The following OVCH1 variants were observed in gnomAD, a reference collection of about 807,000 sequenced individuals.
OVCH1 encodes the protein ovochymase 1.
OVCH1 carries 139 observed loss-of-function variants against 138.4 expected under a neutral mutation model. The observed-to-expected ratio is 1.00, with a 90% CI of 0.87 to 1.16. The LOEUF (loss-of-function observed/expected upper bound fraction) is 1.16. Among genes scored for constraint, OVCH1 ranks in the 50% most tolerant of loss-of-function variants. The pLI is 0.00. For missense variants in OVCH1, 1,367 were observed against 1,357.9 expected (o/e 1.01, Z -0.11); for synonymous variants, 453 against 467.8 (o/e 0.97, Z 0.41).
At chr12:29,468,536 CA>C (rs1479380300) in intron 16 of OVCH1, among the ~76,000 whole-genome samples, 1 of 152,062 alleles carries the variant, frequency 6.6e-6, no homozygotes, top group Admixed American at 6.6e-5. Context: ...GGGAATCTAC[CA>C]AAGCTTTTTC....
At chr12:29,447,894 G>GT (rs1941663954) in intron 22 of OVCH1, among the ~76,000 whole-genome samples, 1 of 151,958 alleles carries the variant, frequency 6.6e-6, no homozygotes, top group East Asian at 1.9e-4. Flanking sequence ...GTTGGGCACT[G>GT]TTCTAGGCAC....
intron 25 of OVCH1, chr12:29,440,455 T>G (rs1950058358): frequency 1.6e-5 from 4 of 251,824 alleles, no homozygotes; most frequent in African/African-American, 6.9e-5. Flanking sequence ...AGGGTGACAG[T>G]CTAAACTCCT....
At chr12:29,444,180 C>T in exon 24 of OVCH1, 1 of 1,611,336 alleles carries the variant, frequency 6.2e-7, no homozygotes, top group Non-Finnish European at 8.5e-7. Flanking sequence ...TTGGGATCTG[C>T]ATGATCCCTT....
intron 23 of OVCH1, among the ~76,000 whole-genome samples, chr12:29,444,750 A>G (rs916852899): frequency 2.6e-5 from 4 of 152,070 alleles, no homozygotes; most frequent in Admixed American, 2.6e-4. Context: ...AATAAAAAAA[A>G]ATCTCACTAA....
chr12:29,471,639 G>A (rs1285158229), intron 16 of OVCH1, among the ~76,000 whole-genome samples, 163 bp downstream of exon 16: 1 of 152,176 alleles, frequency 6.6e-6, no homozygotes, highest in Non-Finnish European at 1.5e-5. Context: ...TTCCTTCACT[G>A]ACATTGTTTA....
chr12:29,404,544 G>A, the OVCH1 span, among the ~76,000 whole-genome samples: 2 of 152,172 alleles, frequency 1.3e-5, no homozygotes, highest in Non-Finnish European at 2.9e-5. Context: ...TTCAAGGAGA[G>A]ACTGAAAGAT....
At chr12:29,475,243 A>C in intron 13 of OVCH1, 54 bp from the exon 14 acceptor site, 7 of 1,318,272 alleles carry the variant, frequency 5.3e-6, no homozygotes, top group Non-Finnish European at 7.0e-6. Context: ...AAAAATCAGA[A>C]CACACAGTAA....
At chr12:29,461,239 A>T (rs1389003741) in intron 19 of OVCH1, among the ~76,000 whole-genome samples, 1 of 152,204 alleles carries the variant, frequency 6.6e-6, no homozygotes, top group Non-Finnish European at 1.5e-5. Flanking sequence ...GGAGGTAGGC[A>T]CACGGAGTGT....
At chr12:29,468,427 A>G (rs1489847494) in intron 16 of OVCH1, among the ~76,000 whole-genome samples, 1 of 152,226 alleles carries the variant, frequency 6.6e-6, no homozygotes, top group Non-Finnish European at 1.5e-5. Context: ...CAAGTGGAAT[A>G]TCTATCTTGG....
chr12:29,414,259 C>T (rs1941003281), intron 3 of OVCH1, among the ~76,000 whole-genome samples: 1 of 152,086 alleles, frequency 6.6e-6, no homozygotes, highest in Admixed American at 6.6e-5. Context: ...CTCCTGACCT[C>T]AGGTGATCCA....
At chr12:29,496,097 T>C in intron 3 of OVCH1, 84 bp downstream of exon 3, 2 of 1,254,204 alleles carry the variant, frequency 1.6e-6, no homozygotes, top group Non-Finnish European at 2.3e-6. Flanking sequence ...GGACTGAGAA[T>C]GAACCTGCTA....
rs747237034 is a variant in OVCH1 at position 29,486,258 on chromosome 12, C to T, written c.983G>A (p.Arg328Lys). ...ATTAGAACCACACATACCCTTTCCT[C>T]TCTGGCTTCCATTCACTTCTTGGAC... Residue 328 changes from arginine (R) to lysine (K), a missense_variant, in exon 8 of 28, where the codon AGA (arginine) becomes AAA (lysine). Transcript: ENST00000318184. 1.9e-6 allele frequency: 3 copies of T among 1,612,680 alleles called. No individual in the cohort carries two copies. The South Asian group carries it at 3.3e-5, about 18-fold the overall frequency.
At chr12:29,451,218 AAAGCATTCCTATTACAT>A in intron 22 of OVCH1, 110 bp downstream of exon 22, 4 of 555,462 alleles carry the variant, frequency 7.2e-6, no homozygotes, top group Non-Finnish European at 1.2e-5. Flanking sequence ...TACAAGGGAA[AAAGCATTCCTATTACAT>A]GGATCAACAT....
At chr12:29,450,433 C>CAGAA (rs1592053483) in intron 22 of OVCH1, among the ~76,000 whole-genome samples, 2 of 152,272 alleles carry the variant, frequency 1.3e-5, no homozygotes, top group East Asian at 3.9e-4. Flanking sequence ...CATCGCTAGT[C>CAGAA]ATTAGAGAAA....
At chr12:29,476,164 T>C in intron 13 of OVCH1, 42 bp downstream of exon 13, 9 of 1,517,228 alleles carry the variant, frequency 5.9e-6, no homozygotes, top group Non-Finnish European at 8.2e-6. Flanking sequence ...ACTACTCTGA[T>C]TCGTCTAACA....
chr12:29,456,434 A>G (rs75255121), intron 19 of OVCH1, among the ~76,000 whole-genome samples: 5,807 of 152,330 alleles, frequency 0.038, 335 homozygotes, highest in African/African-American at 0.13. Flanking sequence ...AGGCAAAAAT[A>G]CTACCCACAA....
At chr12:29,469,649 G>A (rs1348329654) in intron 16 of OVCH1, among the ~76,000 whole-genome samples, 2 of 152,024 alleles carry the variant, frequency 1.3e-5, no homozygotes, top group East Asian at 3.9e-4. Flanking sequence ...GGAAGCCAAG[G>A]TGGGAGGATT....
intron 9 of OVCH1, chr12:29,477,717 A>C (rs907260962): frequency 4.5e-5 from 44 of 986,474 alleles, no homozygotes; most frequent in Non-Finnish European, 5.1e-5. Context: ...CTAACTCAAA[A>C]TTCAGCTCTC....
At chr12:29,455,549 T>TA (rs1941925120) in intron 19 of OVCH1, 144 bp from the exon 20 acceptor site, 1 of 974,150 alleles carries the variant, frequency 1.0e-6, no homozygotes, top group Non-Finnish European at 1.4e-6. Flanking sequence ...CATCTTTACA[T>TA]ACTATCTATT....
Sources: allele counts gnomAD v4.1 joint callset (sites outside exome capture counted in the v4.1 genomes callset), GRCh38; gene constraint gnomAD v4.1.1; transcripts MANE v1.5; gene names NCBI Gene and HGNC (gene_info 2026-07-23, HGNC 2026-07-21).